Variants in GALNTL6 observed in about 807,000 individuals in gnomAD.
The protein encoded by GALNTL6 is polypeptide N-acetylgalactosaminyltransferase-like 6.
GALNTL6 carries 46 observed loss-of-function variants against 73.7 expected under a neutral mutation model. The observed-to-expected ratio is 0.62, with a 90% CI of 0.49 to 0.80. GALNTL6 has a LOEUF of 0.80. Among genes scored for constraint, GALNTL6 ranks in the 30% least tolerant of loss-of-function variants. The pLI is 0.00. For synonymous variants in GALNTL6, 259 were observed against 263.7 expected, an observed-to-expected ratio of 0.98 and a Z score of 0.17; for missense variants, 604 against 755.0, an observed-to-expected ratio of 0.80 and a Z score of 2.34.
intron 5 of GALNTL6, among the ~76,000 whole-genome samples, chr4:172,534,218 G>T (rs753299130): frequency 3.6e-4 from 55 of 152,184 alleles, no homozygotes; most frequent in Non-Finnish European, 6.6e-4. Context: ...ACTGGAAGCT[G>T]CTGGGGCAGA....
At chr4:172,418,534 C>G (rs912134783) in intron 5 of GALNTL6, among the ~76,000 whole-genome samples, 5 of 152,132 alleles carry the variant, frequency 3.3e-5, no homozygotes, top group Non-Finnish European at 7.3e-5. Flanking sequence ...CAAGTCAACC[C>G]ACAGCCTGAG....
intron 2 of GALNTL6, among the ~76,000 whole-genome samples, chr4:171,988,925 G>A (rs557351054): frequency 2.0e-5 from 3 of 151,678 alleles, no homozygotes; most frequent in Admixed American, 6.6e-5. Flanking sequence ...TTGAACTGGG[G>A]GAAAAGGTGG....
chr4:172,983,510 C>A (rs1013542031), intron 10 of GALNTL6, among the ~76,000 whole-genome samples: 3 of 152,172 alleles, frequency 2.0e-5, no homozygotes, highest in Non-Finnish European at 4.4e-5. Context: ...GCCTGGCCAA[C>A]ATGGTGAAAC....
rs1237743834 is a variant in GALNTL6, at chr4:172,813,638, C to A, written c.838C>A (p.Arg280=). 7 of 1,613,358 alleles carry A rather than the reference C, an allele frequency of 4.3e-6. No individual in the cohort carries two copies. In the African/African-American group the frequency reaches 5.3e-5, roughly 12 times the overall value. ...TGAGGCACAAGCTGGGGATGCCATG[C>A]GAGGAGCCTTCGACTGGGAAATGTA... ...GYEAQAGDAM[R]GAFDWEMYYK... The change falls in exon 7 of 13, where the codon CGA becomes AGA. Residue 280 remains arginine (R), a synonymous_variant. Coordinates refer to ENST00000506823, the MANE Select transcript of GALNTL6 (RefSeq NM_001034845.3).
At chr4:171,999,109 A>T (rs1048240738) in intron 2 of GALNTL6, among the ~76,000 whole-genome samples, 1 of 152,174 alleles carries the variant, frequency 6.6e-6, no homozygotes, top group Non-Finnish European at 1.5e-5. Context: ...TTCCTGAAGC[A>T]ATCCCATGTC....
intron 2 of GALNTL6, among the ~76,000 whole-genome samples, chr4:171,870,445 T>G (rs1736106952): frequency 6.6e-6 from 1 of 152,186 alleles, no homozygotes; most frequent in Non-Finnish European, 1.5e-5. Context: ...AAACATAAGC[T>G]CCTATCTAGC....
intron 2 of GALNTL6, among the ~76,000 whole-genome samples, chr4:171,972,240 G>A (rs1171149671): frequency 6.6e-6 from 1 of 152,044 alleles, no homozygotes; most frequent in Non-Finnish European, 1.5e-5. Context: ...TAGCACATTA[G>A]TATTTAAAAC....
At chr4:172,828,400 T>C (rs1742396395) in intron 7 of GALNTL6, among the ~76,000 whole-genome samples, 1 of 151,924 alleles carries the variant, frequency 6.6e-6, no homozygotes, top group Non-Finnish European at 1.5e-5. Flanking sequence ...CTGCCTGTCA[T>C]CCTATGCCTC....
rs1294456867 is a variant in GALNTL6, at chr4:171,908,565, C to T, written c.138+93847C>T. On this transcript the variant is annotated intron_variant, in intron 2 of 12. Transcript: ENST00000506823. ...TTGGTGGGACTGTAAACTAGTTCAA[C>T]CATTGTGGAAGTCAGTGTGGCGATT... 5.9e-5 allele frequency among the ~76,000 whole-genome samples: 9 copies of T among 151,854 alleles called. No homozygotes were observed. In the East Asian group the frequency reaches 1.8e-3, roughly 30 times the overall value.
chr4:172,483,483 T>C (rs1164638436), intron 5 of GALNTL6, among the ~76,000 whole-genome samples: 1 of 152,212 alleles, frequency 6.6e-6, no homozygotes, highest in Non-Finnish European at 1.5e-5. Context: ...TGAGTCTTTG[T>C]AGTGGCCTTT....
intron 4 of GALNTL6, among the ~76,000 whole-genome samples, chr4:172,316,132 A>G (rs1338541998): frequency 1.3e-5 from 2 of 152,158 alleles, no homozygotes; most frequent in Non-Finnish European, 2.9e-5. Context: ...AACATGATAT[A>G]ATTAGTGTAA....
At chr4:172,263,315 TA>T (rs1236732599) in intron 3 of GALNTL6, among the ~76,000 whole-genome samples, 3 of 151,368 alleles carry the variant, frequency 2.0e-5, no homozygotes, top group Admixed American at 1.3e-4. Context: ...GTTTACTTTT[TA>T]AAATTTATTT....
At chr4:172,634,585 A>G (rs1739565604) in intron 5 of GALNTL6, among the ~76,000 whole-genome samples, 1 of 152,202 alleles carries the variant, frequency 6.6e-6, no homozygotes, top group South Asian at 2.1e-4. Flanking sequence ...ATGAAATTAT[A>G]TAGCAAAGAG....
intron 5 of GALNTL6, among the ~76,000 whole-genome samples, chr4:172,619,817 C>T (rs1738884886): frequency 6.6e-6 from 1 of 152,146 alleles, no homozygotes; most frequent in Admixed American, 6.5e-5. Context: ...AGAATAGCCA[C>T]ATGAGTTTCA....
intron 2 of GALNTL6, among the ~76,000 whole-genome samples, chr4:172,109,808 G>A (rs1732799045): frequency 6.6e-6 from 1 of 152,136 alleles, no homozygotes. Flanking sequence ...AGGCCTCTTA[G>A]GGACATGATG....
chr4:172,376,558 T>C (rs1209526845), intron 5 of GALNTL6, among the ~76,000 whole-genome samples: 1 of 152,192 alleles, frequency 6.6e-6, no homozygotes, highest in Non-Finnish European at 1.5e-5. Flanking sequence ...GCCTGACACC[T>C]GTGTCTTCAG....
chr4:172,229,822 C>A, intron 3 of GALNTL6, 58 bp downstream of exon 3: 1 of 1,007,802 alleles, frequency 9.9e-7, no homozygotes, highest in Non-Finnish European at 1.6e-6. Flanking sequence ...TCTCATTTGT[C>A]ACGTAAAGGA....
chr4:172,753,228 T>C (rs1484133823), intron 5 of GALNTL6, among the ~76,000 whole-genome samples: 1 of 152,158 alleles, frequency 6.6e-6, no homozygotes, highest in Admixed American at 6.5e-5. Flanking sequence ...CCATGGAAGA[T>C]GTGCCTTTGC....
chr4:172,031,181 C>T (rs1261301231), intron 2 of GALNTL6, among the ~76,000 whole-genome samples: 1 of 151,810 alleles, frequency 6.6e-6, no homozygotes, highest in Non-Finnish European at 1.5e-5. Context: ...GTCACCATGA[C>T]AACTTGGAGA....
Sources: allele counts gnomAD v4.1 joint callset (sites outside exome capture counted in the v4.1 genomes callset), GRCh38; gene constraint gnomAD v4.1.1; transcripts MANE v1.5; gene names NCBI Gene and HGNC (gene_info 2026-07-23, HGNC 2026-07-21).